ATRN: variants seen among roughly 807,000 people sequenced by gnomAD.
The protein encoded by ATRN is attractin-2.
ATRN carries 54 observed loss-of-function variants against 178.7 expected under a neutral mutation model. The observed-to-expected ratio is 0.30, with a 90% CI of 0.24 to 0.38. The LOEUF (loss-of-function observed/expected upper bound fraction) is 0.38. Ranked by LOEUF, ATRN falls within the 10% of genes least tolerant of loss-of-function variation. ATRN has a pLI of 1.00. For synonymous variants in ATRN, 636 were observed against 663.0 expected, an observed-to-expected ratio of 0.96 and a Z score of 0.63; for missense variants, 1,443 against 1,815.1, an observed-to-expected ratio of 0.79 and a Z score of 3.73.
At position 3,620,117 on chromosome 20, in the gene ATRN, A is replaced by G. The variant is rs535050023; in HGVS notation, c.3802-4394A>G. 9.9e-5 allele frequency among the ~76,000 whole-genome samples: 15 copies of G among 151,910 alleles called. No individual in the cohort carries two copies. The South Asian group carries it at 3.1e-3, about 32-fold the overall frequency. On this transcript the variant is annotated intron_variant, in intron 24 of 28. Coordinates refer to ENST00000262919, the MANE Select transcript of ATRN (RefSeq NM_139321.3). ...TCCCACTCCCCAAAAGAGCCAAACT[A>G]ATTATGGGGATTTAACCTTCCAATT... is the stretch of plus-strand genomic sequence containing the variant.
At chr20:3,527,840 T>G (rs1001544398) in intron 1 of ATRN, among the ~76,000 whole-genome samples, 3 of 151,644 alleles carry the variant, frequency 2.0e-5, no homozygotes, top group Non-Finnish European at 4.4e-5. Context: ...ACATTGCATG[T>G]TTTCACTCAT....
intron 26 of ATRN, among the ~76,000 whole-genome samples, chr20:3,635,205 C>CG (rs1391914413): frequency 6.6e-6 from 1 of 151,018 alleles, no homozygotes; most frequent in Non-Finnish European, 1.5e-5. Context: ...TTTGAGGACT[C>CG]GGGGGAAAGA....
chr20:3,580,394 C>T lies in ATRN; in HGVS notation c.2544+1622C>T, dbSNP rs1172037606. Among the ~76,000 whole-genome samples, 3 of 152,198 alleles carry T rather than the reference C, an allele frequency of 2.0e-5. No homozygotes were observed. The East Asian group carries it at 5.8e-4, about 29-fold the overall frequency. ...ATCTGCTGTGGCCACGTTTATGAAACAGAAATTCACAGTCTTAATGATAAG... is the reference window on the plus strand; with the variant it reads ...ATCTGCTGTGGCCACGTTTATGAAATAGAAATTCACAGTCTTAATGATAAG... On this transcript the variant is annotated intron_variant, in intron 15 of 28. Coordinates refer to ENST00000262919, the MANE Select transcript of ATRN (RefSeq NM_139321.3).
chr20:3,536,860 G>T (rs371765520), intron 2 of ATRN, among the ~76,000 whole-genome samples: 1 of 152,120 alleles, frequency 6.6e-6, no homozygotes, highest in East Asian at 1.9e-4. Context: ...TAAAATTATT[G>T]TATATAGTCT....
intron 1 of ATRN, among the ~76,000 whole-genome samples, chr20:3,483,336 A>ATTG (rs2084647342): frequency 1.3e-5 from 2 of 152,138 alleles, no homozygotes; most frequent in Admixed American, 1.3e-4. Flanking sequence ...GCTGTTACAA[A>ATTG]TAGTACTACA....
chr20:3,572,063 A>G (rs1279664051), intron 11 of ATRN, among the ~76,000 whole-genome samples: 1 of 152,198 alleles, frequency 6.6e-6, no homozygotes, highest in African/African-American at 2.4e-5. Context: ...TAAAAAGAAC[A>G]TCTTTTCCCA....
At chr20:3,605,914 A>G (rs1458305394) in intron 24 of ATRN, among the ~76,000 whole-genome samples, 7 of 151,886 alleles carry the variant, frequency 4.6e-5, no homozygotes, top group Admixed American at 4.6e-4. Context: ...AAAATTAACA[A>G]TAACAAAAAA....
At chr20:3,618,951 C>T (rs147833266) in intron 24 of ATRN, among the ~76,000 whole-genome samples, 251 of 152,304 alleles carry the variant, frequency 1.6e-3, no homozygotes, top group African/African-American at 5.8e-3. Context: ...CCAGGGCTCA[C>T]GGAATCTTCC....
chr20:3,496,014 A>G (rs1486357615), intron 1 of ATRN, among the ~76,000 whole-genome samples: 1 of 152,164 alleles, frequency 6.6e-6, no homozygotes, highest in African/African-American at 2.4e-5. Context: ...AACCATGCCA[A>G]TGCTTTACCA....
Position 3,573,155 on chromosome 20 carries a change from C to CT in ATRN, c.2092+205dup, listed in dbSNP as rs577795877. On this transcript the variant is annotated intron_variant, in intron 12 of 28. Transcript: ENST00000262919. ...GAACATGCCATGTGGCTCCTAGAAG[C>CT]TGTCTGCGAGTGATAGAGACATAAC... Among the ~76,000 whole-genome samples, 3 of 152,260 alleles carry CT rather than the reference C, an allele frequency of 2.0e-5. No homozygotes were observed. The South Asian group carries it at 6.2e-4, about 32-fold the overall frequency.
intron 1 of ATRN, among the ~76,000 whole-genome samples, chr20:3,509,309 C>G (rs1406356744): frequency 6.6e-6 from 1 of 152,124 alleles, no homozygotes; most frequent in South Asian, 2.1e-4. Context: ...CACTCTTAAC[C>G]CACAGACAGC....
chr20:3,492,854 G>GAGGCGCGC (rs1555807888), intron 1 of ATRN, among the ~76,000 whole-genome samples: 21 of 132,430 alleles, frequency 1.6e-4, no homozygotes, highest in Non-Finnish European at 2.8e-4. Context: ...GAGAGAGAGA[G>GAGGCGCGC]GCGCGCGCGC....
chr20:3,512,107 A>ATATTTTTT, intron 1 of ATRN, among the ~76,000 whole-genome samples: 1 of 106,392 alleles, frequency 9.4e-6, no homozygotes, highest in African/African-American at 4.4e-5. Flanking sequence ...ATATATATAT[A>ATATTTTTT]TTTTTTTTTT....
chr20:3,498,025 A>G lies in ATRN; in HGVS notation c.410+26508A>G, dbSNP rs1277315265. 3.9e-5 allele frequency among the ~76,000 whole-genome samples: 6 copies of G among 152,316 alleles called. No homozygotes were observed. In the East Asian group the frequency reaches 1.2e-3, roughly 29 times the overall value. On this transcript the variant is annotated intron_variant, in intron 1 of 28. Transcript: ENST00000262919. ...ATCACCACCGATCCCACAGAAATAC[A>G]AACTACCATCAGAGAATACTACAAA...
At chr20:3,553,215 A>G (rs2670305) in intron 6 of ATRN, among the ~76,000 whole-genome samples, 4,030 of 152,186 alleles carry the variant, frequency 0.026, 88 homozygotes, top group Middle Eastern at 0.041. Flanking sequence ...TTCTGCTGTT[A>G]TACTAGATGT....
Position 3,559,373 on chromosome 20 carries a change from A to C in ATRN, c.1113-20A>C, listed in dbSNP as rs1402636415. ...TCTGTCTTATTAGTTGGGTGAAAAT[A>C]TGATCTGTTTGTTTTGTAGGTATGA... On this transcript the variant is annotated intron_variant, in intron 6 of 28. Coordinates refer to ENST00000262919, the MANE Select transcript of ATRN (RefSeq NM_139321.3). 1 of 1,559,414 alleles carries C rather than the reference A, an allele frequency of 6.4e-7. No individual in the cohort carries two copies. The highest frequency in any genetic ancestry group is 1.1e-5 in the South Asian group (1 of 89,896).
chr20:3,610,461 A>G (rs1039340574), intron 24 of ATRN, among the ~76,000 whole-genome samples: 2 of 151,498 alleles, frequency 1.3e-5, no homozygotes, highest in Admixed American at 6.6e-5. Context: ...GGGTCTCACT[A>G]TGATGTCCAG....
At chr20:3,612,296 A>G (rs1036053249) in intron 24 of ATRN, among the ~76,000 whole-genome samples, 11 of 152,266 alleles carry the variant, frequency 7.2e-5, no homozygotes, top group Non-Finnish European at 1.3e-4. Flanking sequence ...GATTGCATTT[A>G]TATAACATTT....
intron 13 of ATRN, among the ~76,000 whole-genome samples, 164 bp from the exon 14 acceptor site, chr20:3,576,695 G>GTCTGTCTGTCTATCTA (rs11472378): frequency 0.19 from 27,209 of 142,072 alleles, 3,016 homozygotes; most frequent in East Asian, 0.39. Flanking sequence ...CTGTCTGTCT[G>GTCTGTCTGTCTATCTA]TCTATCTATC....
Sources: allele counts gnomAD v4.1 joint callset (sites outside exome capture counted in the v4.1 genomes callset), GRCh38; gene constraint gnomAD v4.1.1; transcripts MANE v1.5; gene names NCBI Gene and HGNC (gene_info 2026-07-23, HGNC 2026-07-21).